ZWILCH: variants seen among roughly 807,000 people sequenced by gnomAD.
The protein encoded by ZWILCH is protein zwilch homolog.
ZWILCH carries 74 observed loss-of-function variants against 79.9 expected under a neutral mutation model. The observed-to-expected ratio is 0.93, with a 90% CI of 0.77 to 1.12. ZWILCH has a LOEUF of 1.12. Among genes scored for constraint, ZWILCH ranks in the 50% most tolerant of loss-of-function variants. The pLI, the probability that ZWILCH is intolerant of heterozygous loss-of-function variation, is 0.00. For missense variants in ZWILCH, 694 were observed against 687.5 expected (o/e 1.01, Z -0.11); for synonymous variants, 241 against 228.2 (o/e 1.06, Z -0.51).
intron 2 of ZWILCH, among the ~76,000 whole-genome samples, chr15:66,509,822 C>CATATATAT (rs201725734): frequency 7.9e-5 from 7 of 88,976 alleles, no homozygotes; most frequent in South Asian, 4.0e-4. Context: ...TGTGTGGCTA[C>CATATATAT]ATATATATAT....
At chr15:66,509,263 C>A (rs911305750) in intron 2 of ZWILCH, among the ~76,000 whole-genome samples, 1 of 152,142 alleles carries the variant, frequency 6.6e-6, no homozygotes, top group African/African-American at 2.4e-5. Flanking sequence ...ATTATTTAGT[C>A]ACCACCTATA....
At chr15:66,548,298 TG>T (rs900580757) in intron 18 of ZWILCH, 52 bp from the exon 19 acceptor site, 80 of 402,198 alleles carry the variant, frequency 2.0e-4, no homozygotes, top group Non-Finnish European at 3.4e-4. Context: ...AGATTACAAG[TG>T]TTTTTTTTTT....
chr15:66,536,452 A>G (rs995994942), intron 15 of ZWILCH, among the ~76,000 whole-genome samples: 2 of 152,250 alleles, frequency 1.3e-5, no homozygotes, highest in African/African-American at 4.8e-5. Context: ...AAATAGTACT[A>G]CTAGACCTCT....
chr15:66,524,226 G>T (rs866960470), intron 8 of ZWILCH, among the ~76,000 whole-genome samples: 7 of 152,060 alleles, frequency 4.6e-5, no homozygotes, highest in Non-Finnish European at 4.4e-5. Flanking sequence ...GTTGTCCAAA[G>T]TAGTTATGTT....
intron 17 of ZWILCH, among the ~76,000 whole-genome samples, chr15:66,544,534 T>A (rs1288659936): frequency 6.6e-6 from 1 of 151,790 alleles, no homozygotes; most frequent in African/African-American, 2.4e-5. Context: ...AGAGGCGAGG[T>A]CTTGTTATGT....
chr15:66,514,900 C>A (rs1894198680), intron 3 of ZWILCH, among the ~76,000 whole-genome samples: 1 of 152,024 alleles, frequency 6.6e-6, no homozygotes, highest in Non-Finnish European at 1.5e-5. Context: ...TCTGGGTTTC[C>A]TTGGTATTTT....
At chr15:66,510,567 G>A (rs1441616215) in intron 2 of ZWILCH, among the ~76,000 whole-genome samples, 2 of 152,138 alleles carry the variant, frequency 1.3e-5, no homozygotes, top group Non-Finnish European at 2.9e-5. Context: ...CTTCCTGCCT[G>A]AATTCTTGCT....
chr15:66,531,702 C>T (rs1225797390), intron 12 of ZWILCH, among the ~76,000 whole-genome samples: 1 of 150,920 alleles, frequency 6.6e-6, no homozygotes, highest in African/African-American at 2.4e-5. Context: ...AGTGATCTAC[C>T]CTCGTCAGCC....
intron 2 of ZWILCH, among the ~76,000 whole-genome samples, chr15:66,510,004 C>G (rs1031121423): frequency 2.7e-5 from 4 of 149,706 alleles, no homozygotes; most frequent in African/African-American, 9.8e-5. Context: ...TGGTGAAACC[C>G]CAGCTCTACT....
chr15:66,532,508 CT>C, intron 13 of ZWILCH, 105 bp downstream of exon 13: 1 of 1,007,802 alleles, frequency 9.9e-7, no homozygotes, highest in Admixed American at 3.2e-5. Context: ...GTCTGTAGTC[CT>C]TCCTGGCTTT....
At chr15:66,538,154 A>G (rs1359392977) in intron 16 of ZWILCH, among the ~76,000 whole-genome samples, 1 of 152,192 alleles carries the variant, frequency 6.6e-6, no homozygotes, top group Non-Finnish European at 1.5e-5. Flanking sequence ...TTCTCTCAGC[A>G]TATGATATAC....
intron 17 of ZWILCH, among the ~76,000 whole-genome samples, chr15:66,546,290 G>T (rs1051200013): frequency 6.6e-6 from 1 of 152,176 alleles, no homozygotes; most frequent in African/African-American, 2.4e-5. Context: ...AAAGACAGTT[G>T]TGTAACCCTA....
chr15:66,531,252 A>C (rs537125289), intron 12 of ZWILCH, among the ~76,000 whole-genome samples: 9 of 152,314 alleles, frequency 5.9e-5, no homozygotes, highest in Non-Finnish European at 1.3e-4. Context: ...TAACTGCAGC[A>C]GCAGATTTTT....
At chr15:66,511,878 G>A (rs1217487428) in intron 2 of ZWILCH, among the ~76,000 whole-genome samples, 1 of 152,094 alleles carries the variant, frequency 6.6e-6, no homozygotes, top group Non-Finnish European at 1.5e-5. Context: ...GCCTCCCAAA[G>A]TGCTGGGATT....
chr15:66,527,277 A>T lies in ZWILCH; in HGVS notation c.820-13A>T, dbSNP rs762763449. ...CTGCTAACAAGTTTTTGGGGTTTTT[A>T]AATCTCCTGTAGGTTTTGGCTGATG... On this transcript the variant is annotated splice_polypyrimidine_tract_variant and intron_variant, in intron 8 of 18. Transcript: ENST00000307897. The T allele has an allele frequency of 6.2e-7, 1 of 1,609,584 alleles. No individual in the cohort carries two copies. Among genetic ancestry groups the T allele is most frequent in the East Asian group, 2.2e-5 (1 of 44,856 alleles).
chr15:66,513,787 G>C, intron 2 of ZWILCH: 1 of 297,338 alleles, frequency 3.4e-6, no homozygotes, highest in Non-Finnish European at 6.4e-6. Context: ...TAGCCAGGAT[G>C]GTCTCAATCT....
chr15:66,535,815 T>A (rs1894997344), intron 14 of ZWILCH, 118 bp from the exon 15 acceptor site: 5 of 801,830 alleles, frequency 6.2e-6, no homozygotes, highest in Admixed American at 3.5e-5. Flanking sequence ...TGGTCTTTTT[T>A]TTTTTTAATG....
chr15:66,532,464 T>A, intron 13 of ZWILCH, 61 bp downstream of exon 13: 1 of 1,435,032 alleles, frequency 7.0e-7, no homozygotes, highest in Non-Finnish European at 9.4e-7. Context: ...GTCACAGATA[T>A]TCTCGGATTT....
intron 2 of ZWILCH, among the ~76,000 whole-genome samples, chr15:66,511,312 C>T (rs1473505536): frequency 6.6e-6 from 1 of 151,800 alleles, no homozygotes; most frequent in Non-Finnish European, 1.5e-5. Flanking sequence ...ATGGTGAGAC[C>T]TTGTCTCTAC....
Sources: allele counts gnomAD v4.1 joint callset (sites outside exome capture counted in the v4.1 genomes callset), GRCh38; gene constraint gnomAD v4.1.1; transcripts MANE v1.5; gene names NCBI Gene and HGNC (gene_info 2026-07-23, HGNC 2026-07-21).